LARGE1: variants seen among roughly 807,000 people sequenced by gnomAD.
LARGE1 encodes the protein xylosyl- and glucuronyltransferase LARGE1.
A neutral mutation model predicts 87.6 loss-of-function variants in LARGE1; 43 were observed. The observed-to-expected ratio is 0.49, with a 90% CI of 0.38 to 0.63. The LOEUF is 0.63. Ranked by LOEUF, LARGE1 falls within the 30% of genes least tolerant of loss-of-function variation. LARGE1 has a pLI of 0.00. For missense variants in LARGE1, 802 were observed against 1,000.2 expected (o/e 0.80, Z 2.67); for synonymous variants, 434 against 394.6 (o/e 1.10, Z -1.18).
chr22:33,074,855 A>G, the LARGE1 span, among the ~76,000 whole-genome samples: 1 of 152,258 alleles, frequency 6.6e-6, no homozygotes, highest in African/African-American at 2.4e-5. Flanking sequence ...TTTTCTATAT[A>G]TTTGACATTT....
chr22:33,500,987 G>C (rs7292774), intron 6 of LARGE1, among the ~76,000 whole-genome samples: 5,698 of 152,268 alleles, frequency 0.037, 343 homozygotes, highest in African/African-American at 0.13. Flanking sequence ...AAAGGGTTTA[G>C]AGACTGGGTG....
intron 12 of LARGE1, among the ~76,000 whole-genome samples, chr22:33,294,199 G>A (rs142311631): frequency 0.01 from 1,526 of 152,316 alleles, 29 homozygotes; most frequent in African/African-American, 0.034. Flanking sequence ...ACTTCTTTGC[G>A]GTGTTGCAAT....
chr22:33,443,552 ATCC>A (rs1489223653), intron 6 of LARGE1, among the ~76,000 whole-genome samples: 2 of 152,164 alleles, frequency 1.3e-5, no homozygotes, highest in East Asian at 3.9e-4. Flanking sequence ...CTGAGAGGAC[ATCC>A]TACCCAGGGC....
chr22:33,116,905 C>T, the LARGE1 span, among the ~76,000 whole-genome samples: 1 of 152,180 alleles, frequency 6.6e-6, no homozygotes, highest in African/African-American at 2.4e-5. Flanking sequence ...GCTTCTAAAA[C>T]TACAGTAAGG....
intron 6 of LARGE1, among the ~76,000 whole-genome samples, chr22:33,471,800 C>T (rs1040942187): frequency 1.3e-5 from 2 of 152,028 alleles, no homozygotes; most frequent in African/African-American, 4.8e-5. Flanking sequence ...TTTGGGAGGC[C>T]GAGGCGGGCG....
chr22:33,497,506 C>T (rs2070196119), intron 6 of LARGE1, among the ~76,000 whole-genome samples: 1 of 152,202 alleles, frequency 6.6e-6, no homozygotes, highest in African/African-American at 2.4e-5. Flanking sequence ...TATCAGCTAT[C>T]ATAATTATTC....
At chr22:33,406,245 T>G (rs1293494093) in intron 7 of LARGE1, among the ~76,000 whole-genome samples, 4 of 152,132 alleles carry the variant, frequency 2.6e-5, no homozygotes, top group Non-Finnish European at 5.9e-5. Context: ...CAGACTTGCC[T>G]GGCCACACCC....
intron 1 of LARGE1, among the ~76,000 whole-genome samples, chr22:33,911,305 A>G (rs375075808): frequency 3.9e-5 from 6 of 152,294 alleles, no homozygotes; most frequent in African/African-American, 1.4e-4. Flanking sequence ...TGGGGCTCCA[A>G]GGTCTCTTCC....
intron 11 of LARGE1, among the ~76,000 whole-genome samples, chr22:33,315,188 C>A (rs887278148): frequency 6.6e-6 from 1 of 152,284 alleles, no homozygotes; most frequent in Admixed American, 6.5e-5. Flanking sequence ...GCCCTGGCTA[C>A]ACGTTATAAG....
At chr22:33,772,340 A>C (rs1200233034) in intron 1 of LARGE1, among the ~76,000 whole-genome samples, 1 of 151,762 alleles carries the variant, frequency 6.6e-6, no homozygotes, top group Non-Finnish European at 1.5e-5. Context: ...CTCAAAAAAA[A>C]AAGGAGATTA....
At chr22:33,728,794 A>G (rs2149470651) in intron 2 of LARGE1, among the ~76,000 whole-genome samples, 1 of 152,300 alleles carries the variant, frequency 6.6e-6, no homozygotes, top group East Asian at 1.9e-4. Context: ...CTCAATAATT[A>G]TCAAGTCTAC....
chr22:33,826,062 T>C (rs1195498261), intron 1 of LARGE1, among the ~76,000 whole-genome samples: 1 of 152,136 alleles, frequency 6.6e-6, no homozygotes, highest in African/African-American at 2.4e-5. Flanking sequence ...CACTTCTGTC[T>C]TTTTTTAATA....
At chr22:33,073,185 T>C in the LARGE1 span, among the ~76,000 whole-genome samples, 1 of 152,234 alleles carries the variant, frequency 6.6e-6, no homozygotes, top group Non-Finnish European at 1.5e-5. Context: ...TTTTGTTTTA[T>C]GTACTTTAAA....
chr22:33,289,929 G>A (rs1274437835), intron 12 of LARGE1, among the ~76,000 whole-genome samples: 2 of 152,104 alleles, frequency 1.3e-5, no homozygotes, highest in South Asian at 2.1e-4. Flanking sequence ...CAAAACTGGC[G>A]AGCAGGGGAG....
Position 33,735,985 on chromosome 22 carries a change from G to A in LARGE1, c.106+25386C>T, listed in dbSNP as rs376935666. 1.5e-4 allele frequency among the ~76,000 whole-genome samples: 23 copies of A among 152,280 alleles called. No individual in the cohort carries two copies. The East Asian group carries it at 2.3e-3, about 15-fold the overall frequency. On this transcript the variant is annotated intron_variant, in intron 2 of 14. Coordinates refer to ENST00000397394, the MANE Select transcript of LARGE1 (RefSeq NM_133642.5). ...TATCAGTACTTCATTCCTTGTAATA[G>A]CTGAATAACATTCCATTGTATGGCT...
chr22:33,141,198 A>T, the LARGE1 span, among the ~76,000 whole-genome samples: 3,961 of 143,578 alleles, frequency 0.028, 63 homozygotes, highest in African/African-American at 0.053. Context: ...TCTCTCTCAC[A>T]CACACACACA....
chr22:33,487,005 A>G (rs1389515357), intron 6 of LARGE1, among the ~76,000 whole-genome samples: 1 of 152,220 alleles, frequency 6.6e-6, no homozygotes, highest in Admixed American at 6.5e-5. Context: ...TTGCGGACAC[A>G]AATATTCCTT....
At chr22:33,769,348 T>C (rs1057399927) in intron 1 of LARGE1, among the ~76,000 whole-genome samples, 7 of 152,136 alleles carry the variant, frequency 4.6e-5, no homozygotes, top group Non-Finnish European at 7.4e-5. Flanking sequence ...GGCACGCAAA[T>C]TCTCGTATTG....
chr22:33,723,988 G>A (rs974545450), intron 2 of LARGE1: 9 of 152,540 alleles, frequency 5.9e-5, no homozygotes, highest in Admixed American at 3.3e-4. Context: ...ACTGTCAGCT[G>A]AAGAAGGCTG....
Sources: gnomAD v4.1 joint callset for allele counts (sites outside exome capture counted in the v4.1 genomes callset) on GRCh38, gnomAD v4.1.1 for gene constraint, MANE v1.5 for transcripts, NCBI Gene and HGNC (gene_info 2026-07-23, HGNC 2026-07-21) for gene names.